The following DNAH5 variants were observed in gnomAD, a reference collection of about 807,000 sequenced individuals.
DNAH5 encodes axonemal beta dynein heavy chain 5.
In DNAH5, 372 loss-of-function variants were observed where a neutral mutation model predicts 518.2. The ratio of observed to expected loss-of-function variants is 0.72; its 90% CI spans 0.66 to 0.78. The LOEUF (loss-of-function observed/expected upper bound fraction) is 0.78, where lower values mean the gene tolerates loss of function less well. DNAH5 is among the 30% of genes least tolerant of loss of function. DNAH5 has a pLI of 0.00. For synonymous variants in DNAH5, 2,039 were observed against 2,025.9 expected, an observed-to-expected ratio of 1.01 and a Z score of -0.17; for missense variants, 5,523 against 5,687.0, an observed-to-expected ratio of 0.97 and a Z score of 0.93.
rs1477786868 is a variant in DNAH5, at chr5:13,697,484, C to T, written c.13723+3156G>A. Among the ~76,000 whole-genome samples, 16 of 152,314 alleles carry T rather than the reference C, an allele frequency of 1.1e-4. No individual in the cohort carries two copies. In the East Asian group the frequency reaches 1.9e-3, roughly 18 times the overall value. On this transcript the variant is annotated intron_variant, in intron 78 of 78. Coordinates refer to ENST00000265104, the MANE Select transcript of DNAH5 (RefSeq NM_001369.3). The stretch of plus-strand genomic sequence containing the variant: ...GTCCCCTCCCAAGGTAATCCTTATT[C>T]CCTTCAACAAATCACAGCCTCTCTA...
rs574371136 is a variant in DNAH5 at position 13,866,288 on chromosome 5, C to G, written c.4054-6G>C. The G allele has an allele frequency of 1.2e-6, 2 of 1,610,474 alleles. No individual in the cohort carries two copies. Among genetic ancestry groups the G allele is most frequent in the South Asian group, 2.2e-5 (2 of 90,220 alleles). ...CCGCTAGCCATTGGACCATTCTGAA[C>G]AAAAAGTAAAAAAAGAAAAATAGAA... is the stretch of plus-strand genomic sequence containing the variant. On this transcript the variant is annotated splice_region_variant and splice_polypyrimidine_tract_variant and intron_variant, in intron 25 of 78. Coordinates refer to ENST00000265104, the MANE Select transcript of DNAH5 (RefSeq NM_001369.3).
intron 45 of DNAH5, 144 bp downstream of exon 45, chr5:13,809,915 C>T (rs1329321372): frequency 2.4e-6 from 2 of 844,328 alleles, no homozygotes; most frequent in East Asian, 5.5e-5. Context: ...AACCACTGTT[C>T]ACTTTCTTCA....
In DNAH5 at chr5:13,721,151, G is replaced by A. The variant is rs529288295; in HGVS notation, c.12128C>T (p.Thr4043Met). The change falls in exon 71 of 79, where the codon ACG becomes ATG. Residue 4043 changes from threonine to methionine, a missense_variant. This residue lies in a region of DNAH5 where 5,121 missense variants were observed against 5,223.3 expected (regional missense o/e 0.98). Transcript: ENST00000265104. The stretch of plus-strand genomic sequence containing the variant: ...CATAGACAGGAGACAGATGAGTGGC[G>A]TCCGTGGATCAGATTCCTCCCACGT... ...EKTWEESDPRTPLICLLSMGS... is the reference protein window; with the variant it reads ...EKTWEESDPRMPLICLLSMGS... 4.3e-6 allele frequency: 7 copies of A among 1,613,954 alleles called. No individual in the cohort carries two copies. The highest frequency in any genetic ancestry group is 2.2e-5 in the East Asian group (1 of 44,876).
chr5:13,712,632 C>T (rs1005502505), intron 75 of DNAH5, among the ~76,000 whole-genome samples: 1 of 151,980 alleles, frequency 6.6e-6, no homozygotes, highest in African/African-American at 2.4e-5. Flanking sequence ...AAGAAAAAAA[C>T]AAACAATCCC....
chr5:13,778,582 G>GAAAGAAAGAAAGAAAGAA (rs1754539882), intron 53 of DNAH5, among the ~76,000 whole-genome samples: 2 of 76,920 alleles, frequency 2.6e-5, no homozygotes, highest in African/African-American at 9.6e-5. Flanking sequence ...AAGAAAGAAA[G>GAAAGAAAGAAAGAAAGAA]AAAGAAAGAA....
rs553158192 is a variant in DNAH5 at position 13,873,680 on chromosome 5, T to TTTC, written c.3397-1916_3397-1915insGAA. Reference sequence around the variant, plus strand: ...TTACTATTTATTTATTTATTTATTTTTGTAGAGACGAGATCTCACTGTGTT... The same window carrying TTTC: ...TTACTATTTATTTATTTATTTATTTTTTCTGTAGAGACGAGATCTCACTGTGTT... On this transcript the variant is annotated intron_variant, in intron 22 of 78. Coordinates refer to ENST00000265104, the MANE Select transcript of DNAH5 (RefSeq NM_001369.3). Among the ~76,000 whole-genome samples, 20 of 145,726 alleles carry TTTC rather than the reference T, an allele frequency of 1.4e-4. No individual in the cohort carries two copies. The East Asian group carries it at 4.0e-3, about 29-fold the overall frequency.
chr5:13,958,937 T>G (rs929571939), intron 1 of DNAH5, among the ~76,000 whole-genome samples: 3 of 152,064 alleles, frequency 2.0e-5, no homozygotes, highest in Non-Finnish European at 4.4e-5. Flanking sequence ...GAAGGAATTT[T>G]ATGTTTCTCA....
intron 1 of DNAH5, among the ~76,000 whole-genome samples, chr5:13,955,756 T>C (rs1472692597): frequency 6.6e-6 from 1 of 152,176 alleles, no homozygotes; most frequent in Non-Finnish European, 1.5e-5. Context: ...ACATTTTAAA[T>C]CACAAAAGTT....
chr5:13,691,679 G>A lies in DNAH5; in HGVS notation c.*305C>T, dbSNP rs955336890. On this transcript the variant is annotated 3_prime_UTR_variant, in exon 79 of 79. Coordinates refer to ENST00000265104, the MANE Select transcript of DNAH5 (RefSeq NM_001369.3). ...AGAGAAATACTGTCTGCTTACCCTA[G>A]TCAGTCTTCGGAGCGAAGTAAGAAG... is the stretch of plus-strand genomic sequence containing the variant. The A allele has an allele frequency of 3.4e-5, 12 of 357,480 alleles. No homozygotes were observed. Among genetic ancestry groups the A allele is most frequent in the Admixed American group, 4.2e-5 (1 of 23,530 alleles). 22.1% of individuals were successfully genotyped at this position (357,480 alleles called of 1,614,324 possible). A position where few individuals can be genotyped will look rare whatever the true frequency, so the allele number is the denominator to read the frequency against.
intron 22 of DNAH5, among the ~76,000 whole-genome samples, chr5:13,872,616 G>T (rs1421133036): frequency 6.6e-6 from 1 of 152,144 alleles, no homozygotes; most frequent in African/African-American, 2.4e-5. Context: ...AGTCTAGTTT[G>T]CTAACCAAGT....
Position 13,867,877 on chromosome 5 carries a change from T to G in DNAH5, c.3950A>C (p.Gln1317Pro). 1 of 1,614,150 alleles carries G rather than the reference T, an allele frequency of 6.2e-7. No homozygotes were observed. Among genetic ancestry groups the G allele is most frequent in the Non-Finnish European group, 8.5e-7 (1 of 1,179,998 alleles). The change falls in exon 25 of 79, where the codon CAG becomes CCG. Residue 1317 changes from glutamine to proline, a missense_variant. This residue lies in a region of DNAH5 where 5,121 missense variants were observed against 5,223.3 expected (regional missense o/e 0.98). Transcript: ENST00000265104. ...GGGCTGCAGTGAGACTAATTTATTC[T>G]GGACTTCGCCAGCACGTGCCAGCAG... Reference protein sequence around the residue: ...EKLLARAGEVQNKLVSLQPSF... With the variant: ...EKLLARAGEVPNKLVSLQPSF...
At chr5:13,815,820 A>G (rs1016913623) in intron 42 of DNAH5, among the ~76,000 whole-genome samples, 1 of 152,148 alleles carries the variant, frequency 6.6e-6, no homozygotes, top group Non-Finnish European at 1.5e-5. Context: ...TTCAGGAGAG[A>G]GGTCAGGGCT....
intron 76 of DNAH5, among the ~76,000 whole-genome samples, chr5:13,703,027 T>C (rs1742326423): frequency 6.6e-6 from 1 of 152,006 alleles, no homozygotes; most frequent in African/African-American, 2.4e-5. Flanking sequence ...CAAGCCTCCC[T>C]CCCAAGCCTT....
In DNAH5 at chr5:13,809,156, T is replaced by C. The variant is rs1561316089; in HGVS notation, c.7640A>G (p.Gln2547Arg). The C allele has an allele frequency of 6.2e-7, 1 of 1,614,234 alleles. No homozygotes were observed. Among genetic ancestry groups the C allele is most frequent in the Non-Finnish European group, 8.5e-7 (1 of 1,180,044 alleles). Residue 2547 changes from glutamine (Q) to arginine (R), a missense_variant, in exon 46 of 79, where the codon CAG becomes CGG. Gln to Arg is a conservative substitution (Grantham distance 43, BLOSUM62 1). Transcript: ENST00000265104. ...GGTATCAGACGGATACAGGTATTCCTGGGTACGCGTGTTCCAGTGCGTCCA... is the reference window on the plus strand; with the variant it reads ...GGTATCAGACGGATACAGGTATTCCCGGGTACGCGTGTTCCAGTGCGTCCA... ...GTWTHWNTRT[Q>R]EYLYPSDTTP...
intron 1 of DNAH5, among the ~76,000 whole-genome samples, chr5:13,939,581 A>T (rs1779268124): frequency 6.6e-6 from 1 of 151,806 alleles, no homozygotes; most frequent in Non-Finnish European, 1.5e-5. Context: ...GTTTCAACCC[A>T]CAGGGCCCCG....
In DNAH5 at chr5:13,920,617, C is replaced by T. The variant is rs1085307485; in HGVS notation, c.661G>A (p.Val221Met). 2 of 1,613,898 alleles carry T rather than the reference C, an allele frequency of 1.2e-6. No individual in the cohort carries two copies. Among genetic ancestry groups the T allele is most frequent in the African/African-American group, 2.7e-5 (2 of 74,908 alleles). Residue 221 changes from valine to methionine, a missense_variant and splice_region_variant, in exon 6 of 79, where the codon GTG becomes ATG. Around this residue, in one of 3 missense-constraint regions of DNAH5, gnomAD observed 5,121 missense variants for 5,223.3 expected, o/e 0.98. Coordinates refer to ENST00000265104, the MANE Select transcript of DNAH5 (RefSeq NM_001369.3). ...AGTATGTCACACTTTCGAAGGTTCACCTAATTAGAATGAAAATTAAATAAT... is the reference window on the plus strand; with the variant it reads ...AGTATGTCACACTTTCGAAGGTTCATCTAATTAGAATGAAAATTAAATAAT... ...SGAQESLKEK[V>M]NLRKCDILEL... is the part of the protein sequence containing the mutation.
intron 12 of DNAH5, among the ~76,000 whole-genome samples, chr5:13,910,967 C>T (rs911472241): frequency 4.6e-5 from 7 of 152,196 alleles, no homozygotes; most frequent in African/African-American, 9.7e-5. Context: ...CTGGCGCCAC[C>T]GTTTCTAAGG....
At chr5:13,872,606 A>G (rs562113575) in intron 22 of DNAH5, among the ~76,000 whole-genome samples, 2 of 152,292 alleles carry the variant, frequency 1.3e-5, no homozygotes, top group South Asian at 4.1e-4. Context: ...GTAAATCAAC[A>G]GTCTAGTTTG....
intron 1 of DNAH5, among the ~76,000 whole-genome samples, chr5:13,937,200 T>A (rs957376788): frequency 1.1e-4 from 17 of 151,056 alleles, no homozygotes; most frequent in Non-Finnish European, 1.5e-5. Flanking sequence ...CTAAGAATTT[T>A]GCATAACTTC....
Sources: allele counts gnomAD v4.1 joint callset (sites outside exome capture counted in the v4.1 genomes callset), GRCh38; gene constraint gnomAD v4.1.1; regional missense constraint gnomAD v4.1.1; transcripts MANE v1.5; gene names NCBI Gene and HGNC (gene_info 2026-07-23, HGNC 2026-07-21).